Variants in LAMA2 observed in about 807,000 individuals in gnomAD.
LAMA2 encodes the protein laminin subunit alpha-2.
LAMA2 carries 269 observed loss-of-function variants against 364.8 expected under a neutral mutation model. The observed-to-expected ratio is 0.74, with a 90% confidence interval of 0.67 to 0.82. The LOEUF (loss-of-function observed/expected upper bound fraction) is 0.82. Among genes scored for constraint, LAMA2 ranks in the 40% least tolerant of loss-of-function variants. The pLI is 0.00. For synonymous variants in LAMA2, 1,379 were observed against 1,370.6 expected (o/e 1.01, Z -0.14); for missense variants, 3,807 against 3,873.2 (o/e 0.98, Z 0.45).
chr6:129,321,408 C>CT (rs1774959477), intron 28 of LAMA2, among the ~76,000 whole-genome samples: 1 of 152,176 alleles, frequency 6.6e-6, no homozygotes, highest in Non-Finnish European at 1.5e-5. Context: ...CAGGTAAACA[C>CT]CAAGTCCCTG....
rs1347823295 is a variant in LAMA2, at chr6:128,883,264, GTCC to G, written c.27_29del (p.Leu13del). 2 of 1,559,510 alleles carry G rather than the reference GTCC, an allele frequency of 1.3e-6. No individual in the cohort carries two copies. Among genetic ancestry groups the G allele is most frequent in the East Asian group, 4.8e-5 (2 of 41,972 alleles). On this transcript the variant is annotated inframe_deletion, in exon 1 of 65. Transcript: ENST00000421865. Reference sequence around the variant, plus strand: ...CACTACGATGCCGGGAGCCGCCGGGGTCCTCCTCCTTCTGCTGCTCTCCGGAGG... The same window carrying G: ...CACTACGATGCCGGGAGCCGCCGGGGTCCTCCTTCTGCTGCTCTCCGGAGG...
intron 49 of LAMA2, among the ~76,000 whole-genome samples, chr6:129,460,596 A>G (rs550358464): frequency 2.4e-4 from 36 of 152,122 alleles, no homozygotes; most frequent in Non-Finnish European, 8.8e-5. Flanking sequence ...TTTGGCTACA[A>G]TCAGTTAAGT....
intron 21 of LAMA2, among the ~76,000 whole-genome samples, chr6:129,299,296 T>C (rs951137012): frequency 3.3e-5 from 5 of 152,144 alleles, no homozygotes; most frequent in African/African-American, 9.6e-5. Context: ...GCAAAATTCA[T>C]CTATTAAATT....
At chr6:128,992,292 TAAA>T (rs1239917575) in intron 1 of LAMA2, among the ~76,000 whole-genome samples, 1 of 152,176 alleles carries the variant, frequency 6.6e-6, no homozygotes, top group African/African-American at 2.4e-5. Context: ...TATGAAATAA[TAAA>T]AACCTTATTT....
chr6:128,905,921 G>C (rs1208728626), intron 1 of LAMA2, among the ~76,000 whole-genome samples: 1 of 151,968 alleles, frequency 6.6e-6, no homozygotes, highest in South Asian at 2.1e-4. Context: ...TGCTGAGAAT[G>C]ATGATTTCCA....
intron 34 of LAMA2, among the ~76,000 whole-genome samples, chr6:129,379,941 T>C (rs1050816698): frequency 2.0e-5 from 3 of 152,098 alleles, no homozygotes; most frequent in Non-Finnish European, 4.4e-5. Context: ...TATCCACCAA[T>C]CACCCAACAT....
chr6:129,467,461 C>T (rs2114813812), intron 51 of LAMA2, among the ~76,000 whole-genome samples: 1 of 151,876 alleles, frequency 6.6e-6, no homozygotes, highest in Middle Eastern at 3.4e-3. Flanking sequence ...CACTCTTATG[C>T]AATATATCCA....
intron 12 of LAMA2, among the ~76,000 whole-genome samples, chr6:129,244,012 C>T (rs1166988825): frequency 2.0e-5 from 3 of 151,832 alleles, no homozygotes; most frequent in African/African-American, 7.2e-5. Context: ...ATGTTTTCCT[C>T]GAGGTTTTTT....
At chr6:129,056,537 C>T (rs1222577358) in intron 2 of LAMA2, among the ~76,000 whole-genome samples, 2 of 152,088 alleles carry the variant, frequency 1.3e-5, no homozygotes, top group Non-Finnish European at 2.9e-5. Context: ...AATATTTTTG[C>T]CCTGTCTTGT....
chr6:129,127,438 T>C (rs1192920606), intron 4 of LAMA2, among the ~76,000 whole-genome samples: 1 of 152,216 alleles, frequency 6.6e-6, no homozygotes, highest in Non-Finnish European at 1.5e-5. Context: ...GATGGACAGG[T>C]TGATTTCAAA....
intron 8 of LAMA2, chr6:129,157,771 C>G: frequency 6.2e-7 from 1 of 1,612,910 alleles, no homozygotes; most frequent in Non-Finnish European, 8.5e-7. Context: ...TGGTAGTCTT[C>G]CACGATCCCT....
chr6:128,884,254 A>T (rs1776021878), intron 1 of LAMA2, among the ~76,000 whole-genome samples: 1 of 152,206 alleles, frequency 6.6e-6, no homozygotes, highest in Non-Finnish European at 1.5e-5. Context: ...GCATTGTAAG[A>T]CATACTTTGT....
At position 129,416,174 on chromosome 6, in the gene LAMA2, C is replaced by G. The variant is rs1007058730; in HGVS notation, c.5866-11578C>G. 1.7e-4 allele frequency among the ~76,000 whole-genome samples: 7 copies of G among 40,842 alleles called. 3 individuals carry two copies. Among genetic ancestry groups the G allele is most frequent in the African/African-American group, 1.1e-3 (7 of 6,450 alleles). The allele number at this position is 40,842 out of a possible 152,430, so 26.8% of individuals were successfully genotyped here. ...CCGTTTTAGCCGGGATGGTCTCGAT[C>G]TCCTGACCTCGTGATCCGCCCGCCC... is the stretch of plus-strand genomic sequence containing the variant. On this transcript the variant is annotated intron_variant, in intron 40 of 64. Transcript: ENST00000421865.
chr6:129,237,363 G>C (rs568507920), intron 12 of LAMA2, among the ~76,000 whole-genome samples: 15 of 152,070 alleles, frequency 9.9e-5, no homozygotes, highest in Non-Finnish European at 1.8e-4. Context: ...TGGAGATGGA[G>C]TCTTGCTCTA....
chr6:129,446,248 A>T (rs1469005661), intron 45 of LAMA2, among the ~76,000 whole-genome samples: 3 of 151,886 alleles, frequency 2.0e-5, no homozygotes, highest in African/African-American at 7.3e-5. Context: ...GCAAAGAGAA[A>T]CAAACATTTT....
chr6:129,090,718 T>G (rs752885988), intron 3 of LAMA2, among the ~76,000 whole-genome samples: 1 of 152,196 alleles, frequency 6.6e-6, no homozygotes, highest in African/African-American at 2.4e-5. Context: ...GTTACTCTGA[T>G]TCAGGGTTCA....
intron 1 of LAMA2, among the ~76,000 whole-genome samples, chr6:128,907,356 C>CGTGAAGGA: frequency 6.7e-6 from 1 of 148,494 alleles, no homozygotes; most frequent in Admixed American, 6.7e-5. Context: ...CTTCACATCC[C>CGTGAAGGA]TTGTAAGTTG....
At chr6:129,192,519 G>T (rs191104311) in intron 11 of LAMA2, among the ~76,000 whole-genome samples, 161 bp from the exon 12 acceptor site, 22 of 152,206 alleles carry the variant, frequency 1.4e-4, no homozygotes, top group African/African-American at 5.3e-4. Context: ...CATATAATAT[G>T]TCTAATGATA....
intron 1 of LAMA2, among the ~76,000 whole-genome samples, chr6:128,885,435 A>T (rs1394870057): frequency 6.6e-6 from 1 of 152,210 alleles, no homozygotes; most frequent in African/African-American, 2.4e-5. Flanking sequence ...TCAACAACTA[A>T]AACACTTCCG....
Sources: gnomAD v4.1 joint callset for allele counts (sites outside exome capture counted in the v4.1 genomes callset) on GRCh38, gnomAD v4.1.1 for gene constraint, MANE v1.5 for transcripts, NCBI Gene and HGNC (gene_info 2026-07-23, HGNC 2026-07-21) for gene names.